CTNND2: variants seen among roughly 807,000 people sequenced by gnomAD.
CTNND2 encodes catenin delta 2.
A neutral mutation model predicts 144.4 loss-of-function variants in CTNND2; 22 were observed. The observed-to-expected ratio is 0.15, with a 90% confidence interval of 0.11 to 0.22. The LOEUF (loss-of-function observed/expected upper bound fraction) is 0.22, where lower values mean the gene tolerates loss of function less well. Ranked by LOEUF, CTNND2 falls within the 10% of genes least tolerant of loss-of-function variation. The pLI, the probability that CTNND2 is intolerant of heterozygous loss-of-function variation, is 1.00. For synonymous variants in CTNND2, 751 were observed against 695.6 expected (o/e 1.08, Z -1.25); for missense variants, 1,353 against 1,618.8 (o/e 0.84, Z 2.82).
intron 10 of CTNND2, among the ~76,000 whole-genome samples, chr5:11,233,928 A>G (rs1340289561): frequency 6.6e-6 from 1 of 151,894 alleles, no homozygotes; most frequent in Non-Finnish European, 1.5e-5. Context: ...ACTCAGTCAT[A>G]TACCACCCTT....
At chr5:11,829,053 C>T (rs974040556) in intron 1 of CTNND2, among the ~76,000 whole-genome samples, 8 of 152,078 alleles carry the variant, frequency 5.3e-5, no homozygotes, top group Admixed American at 5.2e-4. Context: ...ATTTGTGGAA[C>T]TTCGAACTTC....
chr5:11,219,850 T>C (rs952266792), intron 10 of CTNND2, among the ~76,000 whole-genome samples: 5 of 152,194 alleles, frequency 3.3e-5, no homozygotes, highest in African/African-American at 1.2e-4. Flanking sequence ...TTTAGATCTC[T>C]GTTGACAGAG....
chr5:11,543,195 G>T (rs894642542), intron 3 of CTNND2, among the ~76,000 whole-genome samples: 4 of 152,178 alleles, frequency 2.6e-5, no homozygotes, highest in Non-Finnish European at 4.4e-5. Flanking sequence ...CATGTTCTAT[G>T]TAGATGAAAT....
rs74417256 is a variant in CTNND2, at chr5:11,767,004, C to T, written c.38-34732G>A. Among the ~76,000 whole-genome samples, 388 of 149,926 alleles carry T rather than the reference C, an allele frequency of 2.6e-3. 3 individuals are homozygous for T. In the East Asian group the frequency reaches 0.048, roughly 19 times the overall value. On this transcript the variant is annotated intron_variant, in intron 1 of 21. Coordinates refer to ENST00000304623, the MANE Select transcript of CTNND2 (RefSeq NM_001332.4). ...GAGCTCACCCTGAGACCCACCCCAC[C>T]CCACTGCACAACACTCCATCCATCT...
intron 3 of CTNND2, among the ~76,000 whole-genome samples, chr5:11,546,226 A>G (rs997862368): frequency 5.9e-5 from 9 of 152,262 alleles, no homozygotes; most frequent in African/African-American, 2.2e-4. Flanking sequence ...ATATATTAAA[A>G]ACCATTAAAT....
chr5:11,810,089 A>T (rs1348545153), intron 1 of CTNND2, among the ~76,000 whole-genome samples: 1 of 152,188 alleles, frequency 6.6e-6, no homozygotes, highest in Non-Finnish European at 1.5e-5. Flanking sequence ...TATATGTAAG[A>T]CTATACATGC....
At chr5:11,163,525 G>A (rs1759000421) in intron 11 of CTNND2, among the ~76,000 whole-genome samples, 1 of 152,182 alleles carries the variant, frequency 6.6e-6, no homozygotes, top group African/African-American at 2.4e-5. Context: ...TTGTTATGCA[G>A]CAATAGACAA....
intron 3 of CTNND2, among the ~76,000 whole-genome samples, chr5:11,424,685 G>C (rs1178150350): frequency 6.6e-6 from 1 of 152,092 alleles, no homozygotes; most frequent in African/African-American, 2.4e-5. Flanking sequence ...AAAATTAGAG[G>C]AAAGTGGTTT....
chr5:11,490,508 G>A (rs1769286753), intron 3 of CTNND2, among the ~76,000 whole-genome samples: 1 of 151,558 alleles, frequency 6.6e-6, no homozygotes, highest in Middle Eastern at 3.2e-3. Flanking sequence ...CAGATGTAAT[G>A]AGAACTACTC....
intron 3 of CTNND2, among the ~76,000 whole-genome samples, chr5:11,432,548 A>G (rs1763395833): frequency 6.6e-6 from 1 of 152,226 alleles, no homozygotes; most frequent in Non-Finnish European, 1.5e-5. Flanking sequence ...AATATAATCC[A>G]GCCTGTGAAA....
intron 3 of CTNND2, among the ~76,000 whole-genome samples, chr5:11,464,449 G>A (rs1405763556): frequency 6.6e-6 from 1 of 152,130 alleles, no homozygotes; most frequent in Non-Finnish European, 1.5e-5. Context: ...AGCACCTGCA[G>A]CCCTGGGGTG....
At chr5:11,627,437 C>T (rs2561600) in intron 2 of CTNND2, among the ~76,000 whole-genome samples, 73,793 of 151,888 alleles carry the variant, frequency 0.49, 18,849 homozygotes, top group Middle Eastern at 0.68. Context: ...GCCTCATCTA[C>T]TGGACCATGA....
chr5:11,712,401 G>C (rs565727010), intron 2 of CTNND2, among the ~76,000 whole-genome samples: 53 of 152,004 alleles, frequency 3.5e-4, no homozygotes, highest in Non-Finnish European at 6.8e-4. Flanking sequence ...ACCTCTCTCT[G>C]AAGTTTCACA....
intron 2 of CTNND2, among the ~76,000 whole-genome samples, chr5:11,696,685 C>T (rs191497701): frequency 1.3e-5 from 2 of 152,112 alleles, no homozygotes; most frequent in Non-Finnish European, 2.9e-5. Context: ...AGCATTTACC[C>T]CTCTTTAGTG....
At chr5:11,372,293 C>T (rs1757537679) in intron 7 of CTNND2, among the ~76,000 whole-genome samples, 1 of 152,184 alleles carries the variant, frequency 6.6e-6, no homozygotes, top group African/African-American at 2.4e-5. Flanking sequence ...TGTTCCTGTA[C>T]TTTCTTTTTA....
intron 20 of CTNND2, among the ~76,000 whole-genome samples, chr5:10,983,994 C>T (rs372068662): frequency 3.6e-4 from 55 of 152,258 alleles, no homozygotes; most frequent in African/African-American, 1.3e-3. Flanking sequence ...GATCTTTCTC[C>T]CTGGAACTCG....
chr5:11,703,877 T>C (rs1158591009), intron 2 of CTNND2, among the ~76,000 whole-genome samples: 1 of 152,184 alleles, frequency 6.6e-6, no homozygotes, highest in African/African-American at 2.4e-5. Flanking sequence ...GTAACTAAAA[T>C]AGTTAAGAAG....
chr5:11,126,891 C>G (rs376541968), intron 12 of CTNND2, among the ~76,000 whole-genome samples: 1 of 152,120 alleles, frequency 6.6e-6, no homozygotes, highest in African/African-American at 2.4e-5. Context: ...AAACATGTTT[C>G]CAGCAAAAAA....
chr5:11,316,379 C>T lies in CTNND2; in HGVS notation c.1628+29993G>A, dbSNP rs1379583055. Among the ~76,000 whole-genome samples, 3 of 152,020 alleles carry T rather than the reference C, an allele frequency of 2.0e-5. No individual in the cohort carries two copies. In the East Asian group the frequency reaches 5.8e-4, roughly 29 times the overall value. On this transcript the variant is annotated intron_variant, in intron 9 of 21. Coordinates refer to ENST00000304623, the MANE Select transcript of CTNND2 (RefSeq NM_001332.4). ...TAGCTGGGACTATAGGCGCCTGCCACCACACCTGGCTAATCTAAGCACTTT... is the reference window on the plus strand; with the variant it reads ...TAGCTGGGACTATAGGCGCCTGCCATCACACCTGGCTAATCTAAGCACTTT...
Sources: gnomAD v4.1 joint callset for allele counts (sites outside exome capture counted in the v4.1 genomes callset) on GRCh38, gnomAD v4.1.1 for gene constraint, MANE v1.5 for transcripts, NCBI Gene and HGNC (gene_info 2026-07-23, HGNC 2026-07-21) for gene names.